The following COG2 variants were observed in gnomAD, a reference collection of about 807,000 sequenced individuals.
COG2 encodes the protein conserved oligomeric Golgi complex subunit 2.
In COG2, 52 loss-of-function variants were observed where a neutral mutation model predicts 90.6. That is an observed-to-expected ratio of 0.57 (90% confidence interval 0.46 to 0.72). COG2 has a LOEUF of 0.72. COG2 is among the 30% of genes least tolerant of loss of function. COG2 has a pLI of 0.00. For missense variants in COG2, 829 were observed against 891.2 expected (o/e 0.93, Z 0.89); for synonymous variants, 337 against 320.4 (o/e 1.05, Z -0.55).
chr1:230,678,705 C>T (rs558390103), intron 9 of COG2: 1 of 1,468,486 alleles, frequency 6.8e-7, no homozygotes, highest in East Asian at 2.8e-5. Context: ...CCATGGAAGA[C>T]ACGGAAGACA....
At chr1:230,659,323 A>G (rs1483391591) in intron 1 of COG2, 141 bp from the exon 2 acceptor site, 4 of 707,532 alleles carry the variant, frequency 5.7e-6, no homozygotes, top group Non-Finnish European at 9.6e-6. Flanking sequence ...TGTCATGTAT[A>G]AGCCAAGATA....
intron 7 of COG2, chr1:230,670,549 A>G (rs1012839885): frequency 6.6e-6 from 1 of 152,200 alleles, no homozygotes; most frequent in Non-Finnish European, 1.5e-5. Flanking sequence ...ATATCATGTT[A>G]TATTCCATAG....
chr1:230,690,947 T>G (rs1052696166), intron 16 of COG2, among the ~76,000 whole-genome samples: 2 of 152,160 alleles, frequency 1.3e-5, no homozygotes, highest in Non-Finnish European at 2.9e-5. Context: ...CTGAAATACT[T>G]TTACACTCTA....
intron 15 of COG2, 67 bp from the exon 16 acceptor site, chr1:230,689,947 G>A: frequency 6.9e-7 from 1 of 1,452,950 alleles, no homozygotes; most frequent in South Asian, 1.4e-5. Flanking sequence ...CTTGAGTTCT[G>A]GGTAACTTAC....
At chr1:230,653,633 G>A (rs7530488) in intron 1 of COG2, among the ~76,000 whole-genome samples, 79,276 of 135,564 alleles carry the variant, frequency 0.58, 21,514 homozygotes, top group East Asian at 0.81. Context: ...CATATTAGTG[G>A]GTATCTAATG....
At chr1:230,660,632 TATGGTTGTTC>T in intron 2 of COG2, 116 bp from the exon 3 acceptor site, 2 of 523,978 alleles carry the variant, frequency 3.8e-6, no homozygotes, top group Non-Finnish European at 3.4e-6. Flanking sequence ...CTTAACAATA[TATGGTTGTTC>T]ATTTTGTTGT....
chr1:230,677,430 C>A (rs576673536), intron 9 of COG2, among the ~76,000 whole-genome samples: 1 of 152,190 alleles, frequency 6.6e-6, no homozygotes, highest in Non-Finnish European at 1.5e-5. Context: ...GTTTACCATT[C>A]CAGAAATGCA....
At chr1:230,654,973 T>C (rs1458304044) in intron 1 of COG2, among the ~76,000 whole-genome samples, 1 of 152,214 alleles carries the variant, frequency 6.6e-6, no homozygotes, top group Non-Finnish European at 1.5e-5. Flanking sequence ...CTGAAGTTGC[T>C]TATCAGCTTA....
intron 9 of COG2, chr1:230,678,290 T>G (rs1442047050): frequency 1.0e-6 from 1 of 985,370 alleles, no homozygotes; most frequent in Non-Finnish European, 1.2e-6. Flanking sequence ...AGAAGAAGCA[T>G]CATTTGTAAA....
At chr1:230,643,723 C>T (rs1424981367) in intron 1 of COG2, among the ~76,000 whole-genome samples, 1 of 152,064 alleles carries the variant, frequency 6.6e-6, no homozygotes, top group Non-Finnish European at 1.5e-5. Flanking sequence ...TAGGACTTAT[C>T]TATACCCAGG....
intron 1 of COG2, among the ~76,000 whole-genome samples, chr1:230,648,723 A>G (rs949951113): frequency 7.9e-5 from 12 of 152,214 alleles, no homozygotes; most frequent in Admixed American, 7.9e-4. Flanking sequence ...GCATCATGTA[A>G]ATAGATCTTT....
chr1:230,645,454 G>A (rs550952004), intron 1 of COG2, among the ~76,000 whole-genome samples: 3 of 152,072 alleles, frequency 2.0e-5, no homozygotes, highest in East Asian at 1.9e-4. Context: ...GCCATCAAGC[G>A]GTAGCTCCTT....
chr1:230,688,416 A>G lies in COG2; in HGVS notation c.1652-4A>G, dbSNP rs1662936606. On this transcript the variant is annotated splice_polypyrimidine_tract_variant and splice_region_variant and intron_variant, in intron 14 of 17. Transcript: ENST00000366669. ...TGATTAAATCCAGTCTTTAATCTCA[A>G]CAGCAGCCCTGGAGGACTCCCAGAG... 6.2e-7 allele frequency: 1 copy of G among 1,613,660 alleles called. No homozygotes were observed. The highest frequency in any genetic ancestry group is 1.1e-5 in the South Asian group (1 of 91,060).
rs768356544 is a variant in COG2, at chr1:230,669,468, C to T, written c.707C>T (p.Thr236Met). Residue 236 changes from threonine to methionine, a missense_variant, in exon 7 of 18, where the codon ACG (threonine) becomes ATG (methionine). By Grantham distance (81) the Thr-to-Met change is moderately conservative. Transcript: ENST00000366669. Reference sequence around the variant, plus strand: ...CGGCACTGCTTGCGGACTTACGCCACGATTGACAAGACACGGGACGCGGAG... The same window carrying T: ...CGGCACTGCTTGCGGACTTACGCCATGATTGACAAGACACGGGACGCGGAG... ...IIRHCLRTYA[T>M]IDKTRDAEAL... 3 of 1,614,026 alleles carry T rather than the reference C, an allele frequency of 1.9e-6. No homozygotes were observed. Among genetic ancestry groups the T allele is most frequent in the East Asian group, 2.2e-5 (1 of 44,874 alleles).
chr1:230,691,823 A>G (rs1663038382), intron 17 of COG2: 5 of 411,934 alleles, frequency 1.2e-5, no homozygotes, highest in Non-Finnish European at 2.2e-5. Context: ...CCCAGTGCCC[A>G]TGCTCACGGA....
rs1662162178 is a variant in COG2, at chr1:230,660,766, G to A, written c.243G>A (p.Met81Ile). The change falls in exon 3 of 18, where the codon ATG (methionine) becomes ATA (isoleucine). Residue 81 changes from methionine (M) to isoleucine (I), a missense_variant. Met to Ile is a conservative substitution (Grantham distance 10). Transcript: ENST00000366669. ...FVNLSTNLVG[M>I]DKALNQLSVP... Reference sequence around the variant, plus strand: ...ATGATTTCTGCCTTTAGGTTGGCATGGACAAAGCCCTCAACCAGCTTTCTG... The same window carrying A: ...ATGATTTCTGCCTTTAGGTTGGCATAGACAAAGCCCTCAACCAGCTTTCTG... 1.3e-6 allele frequency: 2 copies of A among 1,589,154 alleles called. No individual in the cohort carries two copies. Among genetic ancestry groups the A allele is most frequent in the Admixed American group, 1.8e-5 (1 of 54,842 alleles).
rs1662902081 is a variant in COG2 at position 230,687,076 on chromosome 1, A to G, written c.1522A>G (p.Ile508Val). Residue 508 changes from isoleucine (I) to valine (V), a missense_variant, in exon 13 of 18, where the codon ATT becomes GTT. Ile to Val is a conservative substitution (Grantham distance 29). Coordinates refer to ENST00000366669, the MANE Select transcript of COG2 (RefSeq NM_007357.3). ...TTCGGAAACAAAGCCTGTGGTTTCCATTTCCCGCACTCAGCTCGTGTATGT... is the reference window on the plus strand; with the variant it reads ...TTCGGAAACAAAGCCTGTGGTTTCCGTTTCCCGCACTCAGCTCGTGTATGT... The part of the protein sequence containing the change: ...GPSETKPVVS[I>V]SRTQLVYVVA... 10 of 1,613,552 alleles carry G rather than the reference A, an allele frequency of 6.2e-6. No individual in the cohort carries two copies. Among genetic ancestry groups the G allele is most frequent in the Non-Finnish European group, 8.5e-6 (10 of 1,179,764 alleles).
chr1:230,663,577 C>T lies in COG2; in HGVS notation c.381+356C>T, dbSNP rs190314368. Among the ~76,000 whole-genome samples the T allele has an allele frequency of 8.6e-4, 131 of 152,290 alleles. 2 individuals carry two copies. The highest frequency in any genetic ancestry group is 3.0e-3 in the African/African-American group (125 of 41,564). The stretch of plus-strand genomic sequence containing the variant: ...CACTGCTAGAAAAGATTGTCCACTT[C>T]ATGAGAAGGGGATTTTTGCCTGTTT... On this transcript the variant is annotated intron_variant, in intron 4 of 17. Coordinates refer to ENST00000366669, the MANE Select transcript of COG2 (RefSeq NM_007357.3).
chr1:230,654,689 T>C (rs1388506629), intron 1 of COG2, among the ~76,000 whole-genome samples: 1 of 152,238 alleles, frequency 6.6e-6, no homozygotes, highest in Non-Finnish European at 1.5e-5. Flanking sequence ...CTTTGGGCAG[T>C]ATGGCAATTT....
Sources: gnomAD v4.1 joint callset for allele counts (sites outside exome capture counted in the v4.1 genomes callset) on GRCh38, gnomAD v4.1.1 for gene constraint, MANE v1.5 for transcripts, NCBI Gene and HGNC (gene_info 2026-07-23, HGNC 2026-07-21) for gene names.